PRKAR2A: variants seen among roughly 807,000 people sequenced by gnomAD.
PRKAR2A encodes protein kinase cAMP-dependent type II regulatory subunit alpha.
Under a neutral mutation model 51.9 loss-of-function variants are expected in PRKAR2A, and 29 were observed. The observed-to-expected ratio is 0.56, with a 90% CI of 0.42 to 0.76. The LOEUF is 0.76. PRKAR2A is among the 30% of genes least tolerant of loss of function. PRKAR2A has a pLI of 0.00. For missense variants in PRKAR2A, 445 were observed against 512.1 expected (o/e 0.87, Z 1.26); for synonymous variants, 178 against 186.2 (o/e 0.96, Z 0.36).
intron 1 of PRKAR2A, among the ~76,000 whole-genome samples, chr3:48,815,017 T>C: frequency 6.6e-6 from 1 of 152,078 alleles, no homozygotes; most frequent in East Asian, 1.9e-4. Flanking sequence ...GTTCAAGTGA[T>C]TCTCCCACCT....
Position 48,812,762 on chromosome 3 carries a change from C to T in PRKAR2A, c.263-5078G>A, listed in dbSNP as rs559000345. ...CTCCCAAAGTGCTGGGATTACAAGG[C>T]GTGAGCCACTGCGCCTGGCCAGAAA... On this transcript the variant is annotated intron_variant, in intron 1 of 10. Coordinates refer to ENST00000265563, the MANE Select transcript of PRKAR2A (RefSeq NM_004157.4). 9.6e-4 allele frequency among the ~76,000 whole-genome samples: 146 copies of T among 152,284 alleles called. 1 individual carries two copies. The highest frequency in any genetic ancestry group is 3.4e-3 in the African/African-American group (142 of 41,560).
intron 1 of PRKAR2A, among the ~76,000 whole-genome samples, chr3:48,837,815 A>C (rs2083307843): frequency 6.6e-6 from 1 of 152,188 alleles, no homozygotes; most frequent in Non-Finnish European, 1.5e-5. Flanking sequence ...GAAAAAAAAA[A>C]AAAAAGTACT....
Position 48,765,092 on chromosome 3 carries a change from T to G in PRKAR2A, c.799-14A>C. On this transcript the variant is annotated splice_polypyrimidine_tract_variant and intron_variant, in intron 7 of 10. Transcript: ENST00000265563. Reference sequence around the variant, plus strand: ...TCGTTCTGACACCTGAAACAACAAATTCACAAATAAAAGGAAAAGACCTTA... The same window carrying G: ...TCGTTCTGACACCTGAAACAACAAAGTCACAAATAAAAGGAAAAGACCTTA... 1 of 1,612,508 alleles carries G rather than the reference T, an allele frequency of 6.2e-7. No individual in the cohort carries two copies. Among genetic ancestry groups the G allele is most frequent in the Non-Finnish European group, 8.5e-7 (1 of 1,178,712 alleles).
intron 1 of PRKAR2A, among the ~76,000 whole-genome samples, chr3:48,811,038 G>A (rs187947151): frequency 6.6e-6 from 1 of 151,954 alleles, no homozygotes; most frequent in African/African-American, 2.4e-5. Flanking sequence ...AATTAGTCAG[G>A]CGAGGTGGCA....
At chr3:48,795,959 C>T (rs1018407791) in intron 2 of PRKAR2A, among the ~76,000 whole-genome samples, 1 of 152,034 alleles carries the variant, frequency 6.6e-6, no homozygotes, top group Non-Finnish European at 1.5e-5. Flanking sequence ...ATGGAGATAT[C>T]GATACAAATC....
At chr3:48,782,679 C>T (rs568399968) in intron 5 of PRKAR2A, among the ~76,000 whole-genome samples, 5 of 152,270 alleles carry the variant, frequency 3.3e-5, no homozygotes, top group African/African-American at 1.2e-4. Flanking sequence ...TGGTCTCAAA[C>T]CCCTCACCTC....
chr3:48,824,354 C>T (rs2083022312), intron 1 of PRKAR2A, among the ~76,000 whole-genome samples: 2 of 151,860 alleles, frequency 1.3e-5, no homozygotes, highest in South Asian at 4.2e-4. Context: ...GAGTTCATGC[C>T]ACTGTGCTCC....
chr3:48,767,281 C>G (rs1202924553), intron 6 of PRKAR2A, among the ~76,000 whole-genome samples: 1 of 151,656 alleles, frequency 6.6e-6, no homozygotes, highest in Non-Finnish European at 1.5e-5. Context: ...GAGTTCAAGA[C>G]CAGCCTGGCC....
chr3:48,819,538 T>C (rs1296805790), intron 1 of PRKAR2A, among the ~76,000 whole-genome samples: 1 of 152,228 alleles, frequency 6.6e-6, no homozygotes, highest in Non-Finnish European at 1.5e-5. Flanking sequence ...TGAGGAAAAG[T>C]AAAAGTGTGA....
At chr3:48,761,227 A>G (rs1254032782) in intron 8 of PRKAR2A, among the ~76,000 whole-genome samples, 3 of 151,908 alleles carry the variant, frequency 2.0e-5, no homozygotes, top group Admixed American at 6.6e-5. Flanking sequence ...GCTTGCAGTG[A>G]GCCGAGATCA....
At chr3:48,818,924 T>C (rs183337386) in intron 1 of PRKAR2A, among the ~76,000 whole-genome samples, 1 of 152,292 alleles carries the variant, frequency 6.6e-6, no homozygotes, top group East Asian at 1.9e-4. Flanking sequence ...TGCTGGTTTT[T>C]CAAAATTATC....
At chr3:48,841,306 G>A (rs564098746) in intron 1 of PRKAR2A, among the ~76,000 whole-genome samples, 1 of 151,602 alleles carries the variant, frequency 6.6e-6, no homozygotes, top group East Asian at 2.0e-4. Flanking sequence ...AGCACTTTGG[G>A]AGGCTGAGGC....
intron 1 of PRKAR2A, among the ~76,000 whole-genome samples, chr3:48,827,115 T>C (rs1477967612): frequency 6.6e-6 from 1 of 152,112 alleles, no homozygotes; most frequent in African/African-American, 2.4e-5. Flanking sequence ...AATTCTCTGA[T>C]GATGGCTACA....
chr3:48,769,302 C>T (rs1462703993), intron 6 of PRKAR2A, among the ~76,000 whole-genome samples: 1 of 151,466 alleles, frequency 6.6e-6, no homozygotes, highest in African/African-American at 2.4e-5. Context: ...GGGCTACAGG[C>T]GCCTGCCACC....
In PRKAR2A at chr3:48,847,417, G is replaced by T; in HGVS notation, c.180C>A (p.Gly60=). 6.3e-7 allele frequency: 1 copy of T among 1,599,154 alleles called. No homozygotes were observed. The highest frequency in any genetic ancestry group is 8.5e-7 in the Non-Finnish European group (1 of 1,172,956). ...CCGGGCCGGGTTCTGGCGGGGGGTG[G>T]CCCAGGCTCTGGCGTGGGGTGGCGG... The part of the protein sequence containing the change: ...LPAATPRQSL[G]HPPPEPGPDR... The change falls in exon 1 of 11, where the codon GGC becomes GGA. Residue 60 remains glycine, a synonymous_variant. Transcript: ENST00000265563. The surrounding 1 kb of genome is among the most constrained non-coding windows in gnomAD (Gnocchi z 4.4).
At chr3:48,767,553 GC>G (rs2081959052) in intron 6 of PRKAR2A, among the ~76,000 whole-genome samples, 1 of 152,118 alleles carries the variant, frequency 6.6e-6, no homozygotes, top group African/African-American at 2.4e-5. Flanking sequence ...ACTTTGGGAG[GC>G]CAAGGCAGGA....
chr3:48,788,993 T>G (rs750611523), intron 4 of PRKAR2A, among the ~76,000 whole-genome samples: 1 of 151,896 alleles, frequency 6.6e-6, no homozygotes, highest in African/African-American at 2.4e-5. Context: ...ACACCATTCC[T>G]AAGAAGCACT....
chr3:48,772,093 CCTT>C (rs747972402), intron 6 of PRKAR2A, among the ~76,000 whole-genome samples: 3 of 152,116 alleles, frequency 2.0e-5, no homozygotes, highest in African/African-American at 4.8e-5. Flanking sequence ...AGATAGTCTG[CCTT>C]CTTCTTTCCA....
intron 1 of PRKAR2A, among the ~76,000 whole-genome samples, chr3:48,842,189 T>G (rs2083392003): frequency 6.6e-6 from 1 of 152,120 alleles, no homozygotes; most frequent in Admixed American, 6.6e-5. Context: ...TGAATGGGAG[T>G]TCACTCATGA....
Sources: allele counts gnomAD v4.1 joint callset (sites outside exome capture counted in the v4.1 genomes callset), GRCh38; gene constraint gnomAD v4.1.1; non-coding constraint Gnocchi (gnomAD v3.1); transcripts MANE v1.5; gene names NCBI Gene and HGNC (gene_info 2026-07-23, HGNC 2026-07-21).